The following ARID2 variants were observed in gnomAD, a reference collection of about 807,000 sequenced individuals.
ARID2 encodes AT-rich interactive domain-containing protein 2.
A neutral mutation model predicts 184.6 loss-of-function variants in ARID2; 32 were observed. The observed-to-expected ratio is 0.17, with a 90% CI of 0.13 to 0.23. ARID2 has a LOEUF of 0.23. ARID2 is among the 10% of genes least tolerant of loss of function. ARID2 has a pLI of 1.00. For missense variants in ARID2, 1,696 were observed against 2,197.6 expected (o/e 0.77, Z 4.56); for synonymous variants, 836 against 772.6 (o/e 1.08, Z -1.36).
At chr12:45,825,876 A>G (rs566121230) in intron 6 of ARID2, among the ~76,000 whole-genome samples, 31 of 152,134 alleles carry the variant, frequency 2.0e-4, no homozygotes, top group African/African-American at 6.5e-4. Flanking sequence ...AGGGGAAAAA[A>G]AAAAGACTTT....
intron 3 of ARID2, among the ~76,000 whole-genome samples, chr12:45,747,313 CAG>C (rs2137988353): frequency 6.6e-6 from 1 of 152,128 alleles, no homozygotes; most frequent in East Asian, 1.9e-4. Flanking sequence ...ATATTTATCT[CAG>C]TGGATTTTTG....
chr12:45,761,493 T>G (rs994631378), intron 3 of ARID2, among the ~76,000 whole-genome samples: 2 of 152,220 alleles, frequency 1.3e-5, no homozygotes, highest in Non-Finnish European at 2.9e-5. Flanking sequence ...TTTAAAATTC[T>G]AAGCATGGAT....
chr12:45,809,628 T>C (rs1224694222), intron 3 of ARID2, among the ~76,000 whole-genome samples: 1 of 152,228 alleles, frequency 6.6e-6, no homozygotes, highest in Non-Finnish European at 1.5e-5. Flanking sequence ...TATCTGTGTA[T>C]ATGTCTCTGC....
intron 6 of ARID2, among the ~76,000 whole-genome samples, chr12:45,823,293 C>G (rs904619852): frequency 6.6e-6 from 1 of 152,044 alleles, no homozygotes; most frequent in Non-Finnish European, 1.5e-5. Context: ...CCATTGGATA[C>G]AGCAGAAGCA....
Position 45,907,039 on chromosome 12 carries a change from G to A in ARID2, c.*1961G>A. 4.3e-6 allele frequency: 1 copy of A among 231,762 alleles called. No individual in the cohort carries two copies. Among genetic ancestry groups the A allele is most frequent in the Non-Finnish European group, 8.5e-6 (1 of 117,172 alleles). 14.4% of individuals were successfully genotyped at this position (231,762 alleles called of 1,614,324 possible). ...GTTTCTTCCTGAAGGAGGATCCCTG[G>A]CGCTGTCCTGCCATGTCTCAAAGGA... On this transcript the variant is annotated 3_prime_UTR_variant, in exon 21 of 21. Coordinates refer to ENST00000334344, the MANE Select transcript of ARID2 (RefSeq NM_152641.4).
At chr12:45,754,943 C>T (rs1941538070) in intron 3 of ARID2, among the ~76,000 whole-genome samples, 1 of 152,038 alleles carries the variant, frequency 6.6e-6, no homozygotes, top group Non-Finnish European at 1.5e-5. Flanking sequence ...TATGGAAGAG[C>T]CCTCAAGCTT....
intron 16 of ARID2, among the ~76,000 whole-genome samples, chr12:45,878,728 C>G (rs1944051452): frequency 6.6e-6 from 1 of 152,046 alleles, no homozygotes; most frequent in African/African-American, 2.4e-5. Context: ...GAGTCTGGTT[C>G]TAATGTTAGC....
intron 16 of ARID2, among the ~76,000 whole-genome samples, chr12:45,864,647 C>G (rs1311436029): frequency 6.6e-6 from 1 of 152,086 alleles, no homozygotes; most frequent in Non-Finnish European, 1.5e-5. Context: ...AATATTTGAT[C>G]AAGTTCTGGT....
At chr12:45,740,236 T>C (rs1019916266) in intron 3 of ARID2, among the ~76,000 whole-genome samples, 1 of 152,208 alleles carries the variant, frequency 6.6e-6, no homozygotes, top group African/African-American at 2.4e-5. Flanking sequence ...TATAGTCCAG[T>C]TGAGAGAGAA....
In ARID2 at chr12:45,737,088, C is replaced by G. The variant is rs531365589; in HGVS notation, c.284+5774C>G. 6.6e-5 allele frequency among the ~76,000 whole-genome samples: 10 copies of G among 152,154 alleles called. No individual in the cohort carries two copies. The East Asian group carries it at 1.9e-3, about 29-fold the overall frequency. On this transcript the variant is annotated intron_variant, in intron 3 of 20. Transcript: ENST00000334344. ...AATTTCACTTGTGCTTGGATACTTT[C>G]TGTGTATTCATTATGTTGTGAATTG...
At chr12:45,828,811 GTTT>G (rs547474214) in intron 6 of ARID2, among the ~76,000 whole-genome samples, 150 of 151,538 alleles carry the variant, frequency 9.9e-4, no homozygotes, top group African/African-American at 3.5e-3. Context: ...ATTTGTAAGA[GTTT>G]TTTTTCTATA....
Position 45,862,937 on chromosome 12 carries a change from T to G in ARID2, c.4922+1988T>G, listed in dbSNP as rs558524789. Among the ~76,000 whole-genome samples the G allele has an allele frequency of 4.6e-5, 7 of 152,236 alleles. No homozygotes were observed. The South Asian group carries it at 1.5e-3, about 32-fold the overall frequency. On this transcript the variant is annotated intron_variant, in intron 16 of 20. Coordinates refer to ENST00000334344, the MANE Select transcript of ARID2 (RefSeq NM_152641.4). Reference sequence around the variant, plus strand: ...TTTTCACTACTGCATTGCTAATAAGTTTAGTTTTAGTCTGCAAATATTTGT... The same window carrying G: ...TTTTCACTACTGCATTGCTAATAAGGTTAGTTTTAGTCTGCAAATATTTGT...
At position 45,852,864 on chromosome 12, in the gene ARID2, C is replaced by G. The variant is rs776795949; in HGVS notation, c.4741C>G (p.Pro1581Ala). The G allele has an allele frequency of 6.2e-7, 1 of 1,609,012 alleles. No homozygotes were observed. The highest frequency in any genetic ancestry group is 2.2e-5 in the East Asian group (1 of 44,764). The change falls in exon 15 of 21, where the codon CCA becomes GCA. Residue 1581 changes from proline (P) to alanine (A), a missense_variant. By Grantham distance (27) the Pro-to-Ala change is conservative. Around this residue, in one of 11 missense-constraint regions of ARID2, gnomAD observed 111 missense variants for 154.0 expected, o/e 0.72. Coordinates refer to ENST00000334344, the MANE Select transcript of ARID2 (RefSeq NM_152641.4). ...ESAVQQKQQH[P>A]PTYVQNVVPQ... The stretch of plus-strand genomic sequence containing the variant: ...TGCTGTTCAGCAAAAGCAACAGCAT[C>G]CACCAACATATGTACAGAATGTGGT...
chr12:45,859,911 T>C, intron 15 of ARID2, among the ~76,000 whole-genome samples: 1 of 152,172 alleles, frequency 6.6e-6, no homozygotes, highest in Non-Finnish European at 1.5e-5. Context: ...TTTTTGTTTT[T>C]AGCAGAGATG....
At chr12:45,754,283 C>T (rs1259179961) in intron 3 of ARID2, among the ~76,000 whole-genome samples, 1 of 152,178 alleles carries the variant, frequency 6.6e-6, no homozygotes, top group Admixed American at 6.5e-5. Flanking sequence ...GAAGAAAGTC[C>T]AAATATATTA....
At chr12:45,758,834 T>C (rs1941619644) in intron 3 of ARID2, among the ~76,000 whole-genome samples, 1 of 152,188 alleles carries the variant, frequency 6.6e-6, no homozygotes, top group South Asian at 2.1e-4. Flanking sequence ...GTCTTTTCTA[T>C]TCACATTCCA....
At chr12:45,765,519 T>G (rs1169690097) in intron 3 of ARID2, among the ~76,000 whole-genome samples, 1 of 152,104 alleles carries the variant, frequency 6.6e-6, no homozygotes, top group African/African-American at 2.4e-5. Flanking sequence ...CCTCGGTTTT[T>G]TTTTTTTTTT....
At chr12:45,777,002 G>A (rs1375918758) in intron 3 of ARID2, among the ~76,000 whole-genome samples, 1 of 151,196 alleles carries the variant, frequency 6.6e-6, no homozygotes, top group Non-Finnish European at 1.5e-5. Flanking sequence ...ATGTTGGCCA[G>A]GCTGGTCTCA....
intron 15 of ARID2, among the ~76,000 whole-genome samples, chr12:45,854,042 C>G (rs981361211): frequency 2.6e-5 from 4 of 152,170 alleles, no homozygotes; most frequent in Non-Finnish European, 4.4e-5. Context: ...AGCTCTGTCT[C>G]CTGTCAGATC....
Sources: allele counts gnomAD v4.1 joint callset (sites outside exome capture counted in the v4.1 genomes callset), GRCh38; gene constraint gnomAD v4.1.1; regional missense constraint gnomAD v4.1.1; transcripts MANE v1.5; gene names NCBI Gene and HGNC (gene_info 2026-07-23, HGNC 2026-07-21).